The following GIMAP5 variants were observed in gnomAD, a reference collection of about 807,000 sequenced individuals.
GIMAP5 encodes the protein GTPase IMAP family member 5.
GIMAP5 carries 8 observed loss-of-function variants against 9.9 expected under a neutral mutation model. The ratio of observed to expected loss-of-function variants is 0.81; its 90% CI spans 0.47 to 1.45. The LOEUF is 1.45. Among genes scored for constraint, GIMAP5 ranks in the 40% most tolerant of loss-of-function variants. The pLI is 0.00. For missense variants in GIMAP5, 353 were observed against 367.4 expected, an observed-to-expected ratio of 0.96 and a Z score of 0.32; for synonymous variants, 174 against 151.4, an observed-to-expected ratio of 1.15 and a Z score of -1.09.
chr7:150,742,433 G>A lies in GIMAP5; in HGVS notation c.294G>A (p.Lys98=), dbSNP rs569476446. ...AGGCCGATACCCAAGAGCTGTACAA[G>A]AACATCGGGGACTGCTACCTGCTCT... ...ESQADTQELY[K]NIGDCYLLSA... Residue 98 remains lysine (K), a synonymous_variant, in exon 3 of 3, where the codon AAG becomes AAA. Transcript: ENST00000358647. The A allele has an allele frequency of 3.5e-5, 57 of 1,614,194 alleles. 1 individual carries two copies. In the South Asian group the frequency reaches 5.9e-4, roughly 17 times the overall value.
Position 150,743,043 on chromosome 7 carries a change from T to C in GIMAP5, c.904T>C (p.Phe302Leu), listed in dbSNP as rs968780914. ...CATACTTTTTTTCATTATTTTTCTGTTCATCTTTCATTACATTTAAATCTC... is the reference window on the plus strand; with the variant it reads ...CATACTTTTTTTCATTATTTTTCTGCTCATCTTTCATTACATTTAAATCTC... ...CSILFFIIFL[F>L]IFHYI is the part of the protein sequence containing the mutation. The change falls in exon 3 of 3, where the codon TTC (phenylalanine) becomes CTC (leucine). Residue 302 changes from phenylalanine to leucine, a missense_variant. Coordinates refer to ENST00000358647, the MANE Select transcript of GIMAP5 (RefSeq NM_018384.5). 1 of 1,610,080 alleles carries C rather than the reference T, an allele frequency of 6.2e-7. No homozygotes were observed. Among genetic ancestry groups the C allele is most frequent in the Middle Eastern group, 1.7e-4 (1 of 6,044 alleles).
chr7:150,740,872 A>G lies in GIMAP5; in HGVS notation c.-6-7A>G. On this transcript the variant is annotated splice_region_variant and splice_polypyrimidine_tract_variant and intron_variant, in intron 1 of 2. Transcript: ENST00000358647. ...TGCTTTTTATCCTTTTCCTGTTTTT[A>G]TTCCAGGAGAGAATGGGAGGATTCC... The G allele has an allele frequency of 6.2e-7, 1 of 1,613,980 alleles. No homozygotes were observed.
intron 1 of GIMAP5, chr7:150,738,580 C>T (rs1459747138): frequency 6.6e-6 from 1 of 152,220 alleles, no homozygotes; most frequent in Non-Finnish European, 1.5e-5. Flanking sequence ...TGTTCATTTG[C>T]TTCACCCTTT....
Position 150,742,732 on chromosome 7 carries a change from A to C in GIMAP5, c.593A>C (p.Gln198Pro), listed in dbSNP as rs769112260. ...TGGGGCTCTGTGGAGGAGCAGAGGC[A>C]GCAGCAGGCAGAGCTCCTGGCTGTG... ...NNWGSVEEQR[Q>P]QQAELLAVIE... The change falls in exon 3 of 3, where the codon CAG becomes CCG. Residue 198 changes from glutamine to proline, a missense_variant. By Grantham distance (76) the Gln-to-Pro change is moderately conservative (BLOSUM62 -1). Transcript: ENST00000358647. 2 of 1,614,188 alleles carry C rather than the reference A, an allele frequency of 1.2e-6. No homozygotes were observed. Among genetic ancestry groups the C allele is most frequent in the South Asian group, 2.2e-5 (2 of 91,086 alleles).
At position 150,742,282 on chromosome 7, in the gene GIMAP5, T is replaced by C. The variant is rs774076607; in HGVS notation, c.143T>C (p.Leu48Pro). ...CGKSATGNSI[L>P]GQPVFESKLR... ...AAAAGTGCCACAGGGAACAGCATCCTTGGCCAGCCCGTGTTTGAGTCCAAG... is the reference window on the plus strand; with the variant it reads ...AAAAGTGCCACAGGGAACAGCATCCCTGGCCAGCCCGTGTTTGAGTCCAAG... Residue 48 changes from leucine (L) to proline (P), a missense_variant, in exon 3 of 3, where the codon CTT becomes CCT. Leu to Pro is a moderately conservative substitution (Grantham distance 98). Coordinates refer to ENST00000358647, the MANE Select transcript of GIMAP5 (RefSeq NM_018384.5). 6.2e-7 allele frequency: 1 copy of C among 1,614,208 alleles called. No homozygotes were observed. Among genetic ancestry groups the C allele is most frequent in the South Asian group, 1.1e-5 (1 of 91,084 alleles).
intron 2 of GIMAP5, among the ~76,000 whole-genome samples, chr7:150,741,159 AG>A (rs2116577003): frequency 6.6e-6 from 1 of 152,308 alleles, no homozygotes; most frequent in Admixed American, 6.5e-5. Flanking sequence ...AAATGTGGAA[AG>A]GAAACCAAGT....
chr7:150,741,750 A>C (rs906229108), intron 2 of GIMAP5, among the ~76,000 whole-genome samples: 1 of 152,238 alleles, frequency 6.6e-6, no homozygotes, highest in African/African-American at 2.4e-5. Context: ...GAATGTGTGG[A>C]GTGTGTCTAT....
chr7:150,737,829 T>C lies in GIMAP5; in HGVS notation c.-7+121T>C, dbSNP rs1348414532. 3 of 787,340 alleles carry C rather than the reference T, an allele frequency of 3.8e-6. No individual in the cohort carries two copies. The African/African-American group carries it at 5.2e-5, about 14-fold the overall frequency. The allele number at this position is 787,340 out of a possible 1,614,324, so 48.8% of individuals were successfully genotyped here. A position where few individuals can be genotyped will look rare whatever the true frequency, so the allele number is the denominator to read the frequency against. On this transcript the variant is annotated intron_variant, in intron 1 of 2. Transcript: ENST00000358647. ...ATCCCCTCACTTCTGGGTTCGCTGG[T>C]CAGTAAAACGGGGCAATGGTGATGA... is the stretch of plus-strand genomic sequence containing the variant.
Position 150,742,631 on chromosome 7 carries a change from T to A in GIMAP5, c.492T>A (p.Tyr164Ter), listed in dbSNP as rs1412191481. 1.9e-6 allele frequency: 3 copies of A among 1,614,056 alleles called. No individual in the cohort carries two copies. Among genetic ancestry groups the A allele is most frequent in the Non-Finnish European group, 2.5e-6 (3 of 1,180,026 alleles). ...EDLGGQALDD[Y>*]VANTDNCSLK... ...TAGGGGGCCAGGCCCTGGATGACTA[T>A]GTAGCAAACACGGACAACTGCAGCC... The change falls in exon 3 of 3, where the codon TAT (tyrosine) becomes TAA (stop). Residue 164 changes from tyrosine (Y) to a stop codon, truncating the protein, a stop_gained. Transcript: ENST00000358647. LOFTEE classifies it low-confidence loss of function (END_TRUNC).
chr7:150,741,117 G>A (rs1443506008), intron 2 of GIMAP5, among the ~76,000 whole-genome samples, 190 bp downstream of exon 2: 1 of 152,084 alleles, frequency 6.6e-6, no homozygotes, highest in East Asian at 1.9e-4. Flanking sequence ...ACACACCATA[G>A]TGTGATGCTC....
intron 1 of GIMAP5, chr7:150,739,254 GTC>G: frequency 6.6e-6 from 1 of 152,134 alleles, no homozygotes; most frequent in Non-Finnish European, 1.5e-5. Flanking sequence ...TTTTGGAAAA[GTC>G]TCTTTTTCCA....
chr7:150,737,588 C>T lies in GIMAP5; in HGVS notation c.-127C>T. 6.5e-7 allele frequency: 1 copy of T among 1,535,632 alleles called. No individual in the cohort carries two copies. Among genetic ancestry groups the T allele is most frequent in the Non-Finnish European group, 8.7e-7 (1 of 1,146,842 alleles). On this transcript the variant is annotated 5_prime_UTR_variant, in exon 1 of 3. Transcript: ENST00000358647. The stretch of plus-strand genomic sequence containing the variant: ...CCTCCCTCAGCCCTGTGAACAGCAT[C>T]CCCGCACACAGACGCAGAGCAGGAC...
At chr7:150,740,567 T>C (rs1306723797) in intron 1 of GIMAP5, 2 of 248,940 alleles carry the variant, frequency 8.0e-6, no homozygotes, top group Non-Finnish European at 1.5e-5. Flanking sequence ...GAAGAATGCT[T>C]TCTCCATTTC....
rs1185990543 is a variant in GIMAP5, at chr7:150,742,946, C to T, written c.807C>T (p.Tyr269=). Reference sequence around the variant, plus strand: ...GGGAGAACGAGAGTAACTGGGCATACAAGGCGCTCCTCAGAGTCAAACACT... The same window carrying T: ...GGGAGAACGAGAGTAACTGGGCATATAAGGCGCTCCTCAGAGTCAAACACT... The part of the protein sequence containing the change: ...ELRENESNWA[Y]KALLRVKHLM... Residue 269 remains tyrosine (Y), a synonymous_variant, in exon 3 of 3, where the codon TAC becomes TAT. Coordinates refer to ENST00000358647, the MANE Select transcript of GIMAP5 (RefSeq NM_018384.5). 2 of 1,614,230 alleles carry T rather than the reference C, an allele frequency of 1.2e-6. No homozygotes were observed. The highest frequency in any genetic ancestry group is 1.7e-6 in the Non-Finnish European group (2 of 1,180,034).
rs995413862 is a variant in GIMAP5, at chr7:150,743,374, A to T, written c.*311A>T. ...GGATGGAAGATCTCTCCTTAGATAG[A>T]ACCTGTCTTCCTCCCTGGCATTGTG... On this transcript the variant is annotated 3_prime_UTR_variant, in exon 3 of 3. Coordinates refer to ENST00000358647, the MANE Select transcript of GIMAP5 (RefSeq NM_018384.5). 3.5e-6 allele frequency: 1 copy of T among 287,164 alleles called. No homozygotes were observed. The highest frequency in any genetic ancestry group is 4.8e-5 in the Admixed American group (1 of 20,780). 17.8% of individuals were successfully genotyped at this position (287,164 alleles called of 1,614,324 possible).
chr7:150,743,156 G>T lies in GIMAP5; in HGVS notation c.*93G>T. ...CAGACTCAGATCCTCGTGGTCTATG[G>T]AGCATGCTGCTTGCTGTCTGTGCAG... is the stretch of plus-strand genomic sequence containing the variant. On this transcript the variant is annotated 3_prime_UTR_variant, in exon 3 of 3. Transcript: ENST00000358647. 2 of 1,452,050 alleles carry T rather than the reference G, an allele frequency of 1.4e-6. No homozygotes were observed. Among genetic ancestry groups the T allele is most frequent in the Non-Finnish European group, 1.8e-6 (2 of 1,083,544 alleles). The allele number at this position is 1,452,050 out of a possible 1,614,324, so 89.9% of individuals were successfully genotyped here. A position where few individuals can be genotyped will look rare whatever the true frequency, so the allele number is the denominator to read the frequency against.
intron 1 of GIMAP5, chr7:150,740,305 C>T (rs28641865): frequency 0.13 from 20,592 of 153,380 alleles, 1,687 homozygotes; most frequent in East Asian, 0.26. Context: ...ATACCGGTCC[C>T]CCTATACCAT....
chr7:150,737,753 A>G (rs1460507357), intron 1 of GIMAP5, 45 bp downstream of exon 1: 1 of 1,461,020 alleles, frequency 6.8e-7, no homozygotes, highest in African/African-American at 1.4e-5. Context: ...TGGGAATTGA[A>G]AGGATCACAG....
chr7:150,741,096 C>G (rs1397497014), intron 2 of GIMAP5, among the ~76,000 whole-genome samples, 169 bp downstream of exon 2: 2 of 152,118 alleles, frequency 1.3e-5, no homozygotes, highest in African/African-American at 2.4e-5. Flanking sequence ...CACACACACA[C>G]AGACACACAC....
Sources: gnomAD v4.1 joint callset for allele counts (sites outside exome capture counted in the v4.1 genomes callset) on GRCh38, gnomAD v4.1.1 for gene constraint, MANE v1.5 for transcripts, NCBI Gene and HGNC (gene_info 2026-07-23, HGNC 2026-07-21) for gene names.